The following FERMT2 variants were observed in gnomAD, a reference collection of about 807,000 sequenced individuals.
The protein encoded by FERMT2 is FERM domain containing kindlin 2.
In FERMT2, 15 loss-of-function variants were observed where a neutral mutation model predicts 82.7. The ratio of observed to expected loss-of-function variants is 0.18; its 90% CI spans 0.12 to 0.28. FERMT2 has a LOEUF of 0.28. FERMT2 is among the 10% of genes least tolerant of loss of function. The pLI, the probability that FERMT2 is intolerant of heterozygous loss-of-function variation, is 1.00. For missense variants in FERMT2, 645 were observed against 809.4 expected (o/e 0.80, Z 2.46); for synonymous variants, 274 against 271.5 (o/e 1.01, Z -0.09).
At chr14:52,930,217 A>C (rs1002194182) in intron 2 of FERMT2, among the ~76,000 whole-genome samples, 3 of 152,206 alleles carry the variant, frequency 2.0e-5, no homozygotes, top group Non-Finnish European at 4.4e-5. Flanking sequence ...AACTGAACAG[A>C]CATCCTGTTC....
intron 10 of FERMT2, among the ~76,000 whole-genome samples, chr14:52,870,448 C>A (rs571479115): frequency 6.6e-6 from 1 of 152,252 alleles, no homozygotes; most frequent in Non-Finnish European, 1.5e-5. Flanking sequence ...GGGGTTTCTC[C>A]ATGTTGGTCA....
chr14:52,860,856 C>G, intron 12 of FERMT2: 1 of 658,642 alleles, frequency 1.5e-6, no homozygotes, highest in Non-Finnish European at 2.6e-6. Context: ...ATGTTTCTAG[C>G]AGGAATATTT....
intron 4 of FERMT2, chr14:52,881,757 G>A: frequency 7.5e-7 from 1 of 1,335,336 alleles, no homozygotes; most frequent in Non-Finnish European, 9.8e-7. Context: ...GAAGCAGACA[G>A]ACCAACACTT....
At chr14:52,910,245 TC>T (rs1272945902) in intron 3 of FERMT2, among the ~76,000 whole-genome samples, 1 of 152,062 alleles carries the variant, frequency 6.6e-6, no homozygotes, top group Non-Finnish European at 1.5e-5. Context: ...TGCTTCTCCA[TC>T]CCTATCAAAT....
intron 3 of FERMT2, among the ~76,000 whole-genome samples, chr14:52,897,586 A>T (rs1415647476): frequency 6.6e-6 from 1 of 152,234 alleles, no homozygotes; most frequent in South Asian, 2.1e-4. Context: ...ATTTTTATAT[A>T]AACATTGTCC....
At chr14:52,906,025 C>T (rs1428345601) in intron 3 of FERMT2, among the ~76,000 whole-genome samples, 2 of 152,170 alleles carry the variant, frequency 1.3e-5, no homozygotes, top group Admixed American at 1.3e-4. Context: ...CACTTTCAGA[C>T]ATTAGGCAAC....
At chr14:52,873,073 G>C (rs1885727028) in intron 9 of FERMT2, 150 bp from the exon 10 acceptor site, 2 of 660,142 alleles carry the variant, frequency 3.0e-6, no homozygotes, top group Middle Eastern at 4.3e-4. Flanking sequence ...TTATTAGTCA[G>C]TGCTACTGTT....
At chr14:52,908,279 A>C (rs1191399132) in intron 3 of FERMT2, among the ~76,000 whole-genome samples, 2 of 152,226 alleles carry the variant, frequency 1.3e-5, no homozygotes, top group African/African-American at 4.8e-5. Context: ...ACTATTTATT[A>C]CAAGCTGAAA....
chr14:52,877,187 A>T (rs559583528), intron 7 of FERMT2, among the ~76,000 whole-genome samples: 93 of 152,316 alleles, frequency 6.1e-4, no homozygotes, highest in African/African-American at 2.2e-3. Context: ...AATAACCATA[A>T]ACATGTACTA....
rs1318308594 is a variant in FERMT2, at chr14:52,884,191, C to T, written c.527-2722G>A. ...TCTGTAGGCACTATGTGATAATAAA[C>T]TCACTTAGCGTTCACAACAACTCTA... is the stretch of plus-strand genomic sequence containing the variant. On this transcript the variant is annotated intron_variant, in intron 4 of 14. Transcript: ENST00000341590. 2.0e-5 allele frequency among the ~76,000 whole-genome samples: 3 copies of T among 152,222 alleles called. No individual in the cohort carries two copies. In the East Asian group the frequency reaches 5.8e-4, roughly 29 times the overall value.
chr14:52,875,130 T>C (rs1885876174), intron 8 of FERMT2, 93 bp downstream of exon 8: 2 of 1,085,266 alleles, frequency 1.8e-6, no homozygotes, highest in East Asian at 2.4e-5. Flanking sequence ...AATATTTCTC[T>C]CCACCACCCC....
chr14:52,920,127 AC>A (rs1223566231), intron 2 of FERMT2, among the ~76,000 whole-genome samples: 1 of 152,162 alleles, frequency 6.6e-6, no homozygotes, highest in Non-Finnish European at 1.5e-5. Flanking sequence ...AGATTTAGCT[AC>A]CCCCAGATAA....
At chr14:52,869,493 C>T (rs747875362) in intron 10 of FERMT2, among the ~76,000 whole-genome samples, 16 of 152,202 alleles carry the variant, frequency 1.1e-4, no homozygotes, top group South Asian at 6.2e-4. Context: ...TATACGACAG[C>T]GACAATGCCC....
chr14:52,886,753 C>G (rs7158114), intron 4 of FERMT2, among the ~76,000 whole-genome samples: 118,110 of 152,082 alleles, frequency 0.78, 48,156 homozygotes, highest in Non-Finnish European at 0.89. Flanking sequence ...CACACAGAAA[C>G]GGTACTGTCA....
intron 2 of FERMT2, among the ~76,000 whole-genome samples, chr14:52,922,998 T>C (rs4901316): frequency 0.81 from 123,122 of 152,166 alleles, 50,295 homozygotes; most frequent in East Asian, 1. Context: ...GCCTCTTGAT[T>C]CTAGGATACA....
chr14:52,893,244 C>CA (rs764099134), intron 4 of FERMT2, 49 bp downstream of exon 4: 2 of 1,506,702 alleles, frequency 1.3e-6, no homozygotes, highest in Non-Finnish European at 1.8e-6. Flanking sequence ...GACAAAGGTA[C>CA]ACAGTCCACA....
At chr14:52,878,459 T>C (rs756605238) in intron 7 of FERMT2, 123 bp downstream of exon 7, 44 of 669,798 alleles carry the variant, frequency 6.6e-5, no homozygotes, top group Admixed American at 4.8e-4. Context: ...GTCTACTCAC[T>C]TTCTTCATGG....
Position 52,950,496 on chromosome 14 carries a change from T to G in FERMT2, c.73A>C (p.Thr25Pro). The part of the protein sequence containing the change: ...DGTWELSVHV[T>P]DLNRDVTLRV... Reference sequence around the variant, plus strand: ...AGGGTGACATCGCGGTTCAGGTCCGTCACATGGACACTCAGTTCCCACGTC... The same window carrying G: ...AGGGTGACATCGCGGTTCAGGTCCGGCACATGGACACTCAGTTCCCACGTC... Residue 25 changes from threonine (T) to proline (P), a missense_variant, in exon 2 of 15, where the codon ACG becomes CCG. Coordinates refer to ENST00000341590, the MANE Select transcript of FERMT2 (RefSeq NM_006832.3). 6.2e-7 allele frequency: 1 copy of G among 1,614,106 alleles called. No individual in the cohort carries two copies. Among genetic ancestry groups the G allele is most frequent in the Non-Finnish European group, 8.5e-7 (1 of 1,180,016 alleles).
In FERMT2 at chr14:52,877,574, C is replaced by CTTTTTTTTTTTTTTTT. The variant is rs34676786; in HGVS notation, c.963+992_963+1007dup. On this transcript the variant is annotated intron_variant, in intron 7 of 14. Transcript: ENST00000341590. ...CTAAGGTGAAAATTAGCTGTTCTTG[C>CTTTTTTTTTTTTTTTT]TTTTTTTTTTTTTTTTTTTTTTTTG... Among the ~76,000 whole-genome samples, 12 of 67,062 alleles carry CTTTTTTTTTTTTTTTT rather than the reference C, an allele frequency of 1.8e-4. 2 individuals are homozygous for CTTTTTTTTTTTTTTTT. The highest frequency in any genetic ancestry group is 1.2e-3 in the East Asian group (2 of 1,638). 44.0% of individuals were successfully genotyped at this position (67,062 alleles called of 152,430 possible). A position where few individuals can be genotyped will look rare whatever the true frequency, so the allele number is the denominator to read the frequency against.
Sources: gnomAD v4.1 joint callset for allele counts (sites outside exome capture counted in the v4.1 genomes callset) on GRCh38, gnomAD v4.1.1 for gene constraint, MANE v1.5 for transcripts, NCBI Gene and HGNC (gene_info 2026-07-23, HGNC 2026-07-21) for gene names.